AFG2A: variants seen among roughly 807,000 people sequenced by gnomAD.
AFG2A encodes AAA ATPase AFG2A.
At chr4:123,003,066 C>G in the AFG2A span, among the ~76,000 whole-genome samples, 1 of 152,176 alleles carries the variant, frequency 6.6e-6, no homozygotes, top group Non-Finnish European at 1.5e-5. Flanking sequence ...CATCTTCCAT[C>G]ACTGATACCC....
the AFG2A span, among the ~76,000 whole-genome samples, chr4:122,946,824 A>G: frequency 3.9e-5 from 6 of 152,174 alleles, no homozygotes; most frequent in Non-Finnish European, 8.8e-5. Context: ...TTTGAGTATT[A>G]TATGTGTCAG....
At chr4:122,934,031 C>T in the AFG2A span, 29 of 1,425,368 alleles carry the variant, frequency 2.0e-5, no homozygotes, top group Non-Finnish European at 2.7e-5. Context: ...AAATATATTG[C>T]TATTTAAACA....
chr4:123,201,013 T>G, the AFG2A span, among the ~76,000 whole-genome samples: 4 of 152,210 alleles, frequency 2.6e-5, no homozygotes, highest in African/African-American at 9.7e-5. Flanking sequence ...TGAATTATCT[T>G]TAATAAAATA....
At chr4:123,281,955 C>T in the AFG2A span, among the ~76,000 whole-genome samples, 108 of 152,214 alleles carry the variant, frequency 7.1e-4, no homozygotes, top group Non-Finnish European at 1.2e-3. Context: ...GATGAATAGG[C>T]AGAGCACAGA....
chr4:123,154,629 T>G, the AFG2A span, among the ~76,000 whole-genome samples: 4 of 152,198 alleles, frequency 2.6e-5, no homozygotes, highest in African/African-American at 7.2e-5. Flanking sequence ...AATCCTAGCT[T>G]TGTCAGTTAG....
chr4:123,279,933 G>A, the AFG2A span, among the ~76,000 whole-genome samples: 1,503 of 152,230 alleles, frequency 9.9e-3, 30 homozygotes, highest in African/African-American at 0.034. Context: ...GAATAAATGC[G>A]TATACATTTA....
the AFG2A span, among the ~76,000 whole-genome samples, chr4:122,978,683 C>G: frequency 6.6e-6 from 1 of 152,138 alleles, no homozygotes; most frequent in Non-Finnish European, 1.5e-5. Context: ...TGCTGAGGGG[C>G]GCTTGCAGGA....
the AFG2A span, chr4:122,933,414 C>A: frequency 6.3e-7 from 1 of 1,598,644 alleles, no homozygotes; most frequent in Non-Finnish European, 8.6e-7. Flanking sequence ...ATGCTGATTT[C>A]TGTTCCCTTC....
the AFG2A span, among the ~76,000 whole-genome samples, chr4:122,976,385 A>G: frequency 4.6e-5 from 7 of 152,382 alleles, no homozygotes; most frequent in Admixed American, 4.6e-4. Flanking sequence ...GCAAAGACAA[A>G]GAACTTAGTA....
the AFG2A span, among the ~76,000 whole-genome samples, chr4:123,063,610 G>A: frequency 6.6e-6 from 1 of 152,120 alleles, no homozygotes; most frequent in Non-Finnish European, 1.5e-5. Flanking sequence ...GCTGGGCGTG[G>A]TGGCAGACGC....
the AFG2A span, among the ~76,000 whole-genome samples, chr4:123,071,191 G>C: frequency 2.0e-5 from 3 of 152,326 alleles, no homozygotes; most frequent in Middle Eastern, 3.4e-3. Flanking sequence ...AGAATCACTT[G>C]TTTCTCGGGC....
chr4:123,017,655 G>A, the AFG2A span, among the ~76,000 whole-genome samples: 2 of 151,930 alleles, frequency 1.3e-5, no homozygotes, highest in South Asian at 4.2e-4. Flanking sequence ...GTACACTTAT[G>A]ATTTCTAAAC....
the AFG2A span, among the ~76,000 whole-genome samples, chr4:123,115,076 C>T: frequency 6.6e-6 from 1 of 152,164 alleles, no homozygotes; most frequent in Admixed American, 6.5e-5. Context: ...CTCACAGTTG[C>T]TTCTGCTATC....
chr4:123,275,838 C>G, the AFG2A span, among the ~76,000 whole-genome samples: 1 of 152,170 alleles, frequency 6.6e-6, no homozygotes, highest in Non-Finnish European at 1.5e-5. Flanking sequence ...TTTTTTATGG[C>G]TGCGTAGTAT....
chr4:123,269,464 G>A, the AFG2A span, among the ~76,000 whole-genome samples: 1 of 152,204 alleles, frequency 6.6e-6, no homozygotes, highest in Non-Finnish European at 1.5e-5. Flanking sequence ...TGCATAGTGG[G>A]TTGTATACCT....
the AFG2A span, among the ~76,000 whole-genome samples, chr4:122,924,621 T>C: frequency 1.3e-5 from 2 of 151,902 alleles, no homozygotes; most frequent in Non-Finnish European, 2.9e-5. Context: ...GTCCAAAACC[T>C]TTTTTTTCCT....
At chr4:122,934,917 G>C in the AFG2A span, among the ~76,000 whole-genome samples, 2 of 152,116 alleles carry the variant, frequency 1.3e-5, no homozygotes, top group African/African-American at 4.8e-5. Flanking sequence ...GCTATGCTTT[G>C]GTATTTTTAG....
the AFG2A span, chr4:122,934,158 G>T: frequency 6.2e-7 from 1 of 1,614,156 alleles, no homozygotes; most frequent in Non-Finnish European, 8.5e-7. Flanking sequence ...GACCGTACAA[G>T]CTGCAAGTAT....
At chr4:123,317,790 C>T in the AFG2A span, 1 of 152,070 alleles carries the variant, frequency 6.6e-6, no homozygotes, top group Non-Finnish European at 1.5e-5. Context: ...AGGGATGAAA[C>T]ATGGATGAAC....
Sources: allele counts gnomAD v4.1 joint callset (sites outside exome capture counted in the v4.1 genomes callset), GRCh38; gene constraint gnomAD v4.1.1; transcripts MANE v1.5; gene names NCBI Gene and HGNC (gene_info 2026-07-23, HGNC 2026-07-21).